The following SLC9A9 variants were observed in gnomAD, a reference collection of about 807,000 sequenced individuals.
The protein encoded by SLC9A9 is sodium/hydrogen exchanger 9.
Under a neutral mutation model 77.8 loss-of-function variants are expected in SLC9A9, and 62 were observed. The observed-to-expected ratio is 0.80, with a 90% CI of 0.65 to 0.98. The LOEUF (loss-of-function observed/expected upper bound fraction) is 0.98. Ranked by LOEUF, SLC9A9 falls within the 50% of genes least tolerant of loss-of-function variation. The pLI, the probability that SLC9A9 is intolerant of heterozygous loss-of-function variation, is 0.00. For missense variants in SLC9A9, 775 were observed against 774.9 expected (o/e 1.00, Z 0.00); for synonymous variants, 320 against 283.5 (o/e 1.13, Z -1.29).
chr3:143,395,067 A>C lies in SLC9A9; in HGVS notation c.1470-12953T>G, dbSNP rs556811576. ...CAATGCCATCCCCATCAAGCTACCA[A>C]TGACTTTCTTCACAGAATTGGAAAA... is the stretch of plus-strand genomic sequence containing the variant. On this transcript the variant is annotated intron_variant, in intron 12 of 15. Transcript: ENST00000316549. 3.7e-3 allele frequency among the ~76,000 whole-genome samples: 559 copies of C among 152,306 alleles called. 3 individuals carry two copies. The highest frequency in any genetic ancestry group is 0.013 in the African/African-American group (547 of 41,566).
At chr3:143,568,853 A>G (rs1376834406) in intron 8 of SLC9A9, among the ~76,000 whole-genome samples, 1 of 152,124 alleles carries the variant, frequency 6.6e-6, no homozygotes, top group Non-Finnish European at 1.5e-5. Context: ...GAATAAATCA[A>G]ATAGTGCAGT....
At chr3:143,293,581 A>G (rs79721515) in intron 14 of SLC9A9, among the ~76,000 whole-genome samples, 1,729 of 152,326 alleles carry the variant, frequency 0.011, 29 homozygotes, top group African/African-American at 0.037. Flanking sequence ...TCAAAATGAA[A>G]TACACCTGAG....
intron 11 of SLC9A9, among the ~76,000 whole-genome samples, chr3:143,482,698 T>C (rs114737453): frequency 4.3e-4 from 65 of 152,324 alleles, no homozygotes; most frequent in African/African-American, 1.4e-3. Context: ...GGTTCTTATT[T>C]AGTTTTAAAT....
intron 2 of SLC9A9, among the ~76,000 whole-genome samples, chr3:143,811,197 C>A (rs1156906231): frequency 6.6e-6 from 1 of 152,092 alleles, no homozygotes; most frequent in Non-Finnish European, 1.5e-5. Context: ...AACTAAAAAT[C>A]TGTATCTGTT....
intron 2 of SLC9A9, among the ~76,000 whole-genome samples, chr3:143,830,826 C>T (rs1469008814): frequency 1.3e-5 from 2 of 152,058 alleles, no homozygotes; most frequent in Non-Finnish European, 2.9e-5. Flanking sequence ...TAATCCAAAA[C>T]AGATAATCCA....
intron 8 of SLC9A9, among the ~76,000 whole-genome samples, chr3:143,557,769 T>C (rs886194089): frequency 1.3e-5 from 2 of 152,196 alleles, no homozygotes; most frequent in South Asian, 2.1e-4. Flanking sequence ...TTAGGGTATC[T>C]GGTGGAAGAA....
intron 12 of SLC9A9, among the ~76,000 whole-genome samples, chr3:143,386,196 G>T (rs74908043): frequency 0.012 from 1,836 of 152,264 alleles, 33 homozygotes; most frequent in African/African-American, 0.039. Flanking sequence ...CTCCCAAATA[G>T]AATCCCTTCT....
intron 8 of SLC9A9, among the ~76,000 whole-genome samples, chr3:143,563,758 C>T (rs2037124381): frequency 6.6e-6 from 1 of 152,114 alleles, no homozygotes; most frequent in Non-Finnish European, 1.5e-5. Flanking sequence ...CAATAAGGGT[C>T]AAGAAACTCT....
chr3:143,483,347 G>A lies in SLC9A9; in HGVS notation c.1315+10306C>T, dbSNP rs375652526. On this transcript the variant is annotated intron_variant, in intron 11 of 15. Transcript: ENST00000316549. ...CAGTAGGGTCATCCATGAACAATGTGAGCTTTACTCAAAAACATTACTGAA... is the reference window on the plus strand; with the variant it reads ...CAGTAGGGTCATCCATGAACAATGTAAGCTTTACTCAAAAACATTACTGAA... 1.8e-4 allele frequency among the ~76,000 whole-genome samples: 27 copies of A among 152,260 alleles called. No homozygotes were observed. In the East Asian group the frequency reaches 3.5e-3, roughly 20 times the overall value.
At chr3:143,514,212 C>T (rs201847293) in intron 9 of SLC9A9, among the ~76,000 whole-genome samples, 25,025 of 146,460 alleles carry the variant, frequency 0.17, 2,484 homozygotes, top group South Asian at 0.31. Context: ...TGAAAGGAAC[C>T]TTTTTTTTTT....
At chr3:143,786,725 T>C (rs1441820625) in intron 4 of SLC9A9, among the ~76,000 whole-genome samples, 2 of 152,116 alleles carry the variant, frequency 1.3e-5, no homozygotes, top group Non-Finnish European at 2.9e-5. Flanking sequence ...AGGGCAGCAG[T>C]GTATTTATTT....
intron 14 of SLC9A9, among the ~76,000 whole-genome samples, chr3:143,361,833 T>C (rs926532686): frequency 1.3e-5 from 2 of 152,200 alleles, no homozygotes; most frequent in Non-Finnish European, 2.9e-5. Flanking sequence ...GACTTCCACT[T>C]TTATTTTCTT....
chr3:143,645,729 A>G (rs1292126245), intron 6 of SLC9A9, among the ~76,000 whole-genome samples: 1 of 152,220 alleles, frequency 6.6e-6, no homozygotes, highest in African/African-American at 2.4e-5. Flanking sequence ...ACTTCTCTGC[A>G]GCATAACAGT....
intron 8 of SLC9A9, among the ~76,000 whole-genome samples, chr3:143,570,367 T>G (rs1205940978): frequency 6.6e-6 from 1 of 152,074 alleles, no homozygotes; most frequent in Non-Finnish European, 1.5e-5. Flanking sequence ...AAGACGTGAG[T>G]GAATGAGCTT....
chr3:143,505,542 C>T (rs939507847), intron 9 of SLC9A9, among the ~76,000 whole-genome samples: 6 of 152,112 alleles, frequency 3.9e-5, no homozygotes, highest in African/African-American at 9.7e-5. Flanking sequence ...ACCACTTAAG[C>T]GTTCAGAGAG....
At chr3:143,837,786 G>A (rs1228269223) in intron 1 of SLC9A9, among the ~76,000 whole-genome samples, 1 of 152,158 alleles carries the variant, frequency 6.6e-6, no homozygotes, top group South Asian at 2.1e-4. Flanking sequence ...TTGCTAGGGA[G>A]CTTCTTAGAA....
chr3:143,834,634 T>G (rs2009524761), intron 1 of SLC9A9, among the ~76,000 whole-genome samples: 1 of 141,412 alleles, frequency 7.1e-6, no homozygotes, highest in African/African-American at 2.6e-5. Flanking sequence ...AAACATGAAG[T>G]GTCCACTATT....
intron 14 of SLC9A9, among the ~76,000 whole-genome samples, chr3:143,301,290 T>C (rs1382156280): frequency 6.6e-6 from 1 of 152,218 alleles, no homozygotes; most frequent in African/African-American, 2.4e-5. Context: ...ATTCAAACTA[T>C]AGTCTTCTAT....
chr3:143,654,210 A>G (rs1183418351), intron 5 of SLC9A9, among the ~76,000 whole-genome samples: 3 of 152,202 alleles, frequency 2.0e-5, no homozygotes, highest in African/African-American at 7.2e-5. Flanking sequence ...ATTCTGCAAG[A>G]TATGCATATT....
Sources: gnomAD v4.1 joint callset for allele counts (sites outside exome capture counted in the v4.1 genomes callset) on GRCh38, gnomAD v4.1.1 for gene constraint, MANE v1.5 for transcripts, NCBI Gene and HGNC (gene_info 2026-07-23, HGNC 2026-07-21) for gene names.